The following MIGA1 variants were observed in gnomAD, a reference collection of about 807,000 sequenced individuals.
MIGA1 encodes the protein mitoguardin 1, also known as family with sequence similarity 73, member A.
Under a neutral mutation model 82.0 loss-of-function variants are expected in MIGA1, and 58 were observed. That is an observed-to-expected ratio of 0.71 (90% CI 0.57 to 0.88). The LOEUF (loss-of-function observed/expected upper bound fraction) is 0.88, where lower values mean the gene tolerates loss of function less well. MIGA1 is among the 40% of genes least tolerant of loss of function. The pLI is 0.00. For missense variants in MIGA1, 751 were observed against 749.1 expected (o/e 1.00, Z -0.03); for synonymous variants, 249 against 253.6 (o/e 0.98, Z 0.17).
At chr1:77,870,101 C>A in intron 14 of MIGA1, among the ~76,000 whole-genome samples, 1 of 110,388 alleles carries the variant, frequency 9.1e-6, no homozygotes, top group Admixed American at 8.1e-5. Context: ...CTGACCCCCC[C>A]ACCTCCCTCC....
intron 8 of MIGA1, chr1:77,847,124 G>A (rs1354866892): frequency 6.5e-6 from 6 of 930,098 alleles, no homozygotes; most frequent in African/African-American, 1.6e-5. Context: ...ATTCTGGGCA[G>A]GCAGTATGGG....
chr1:77,811,539 C>T (rs1683327748), intron 5 of MIGA1: 2 of 1,603,132 alleles, frequency 1.2e-6, no homozygotes, highest in Non-Finnish European at 1.7e-6. Context: ...CTTCTTGAGA[C>T]TGTGTGGACT....
intron 2 of MIGA1, among the ~76,000 whole-genome samples, chr1:77,783,621 G>A (rs556302337): frequency 6.6e-6 from 1 of 152,228 alleles, no homozygotes; most frequent in East Asian, 1.9e-4. Context: ...AGTGAATTAT[G>A]TTATTCCAGT....
chr1:77,784,955 A>G (rs899453392), intron 2 of MIGA1, among the ~76,000 whole-genome samples: 2 of 152,156 alleles, frequency 1.3e-5, no homozygotes, highest in African/African-American at 4.8e-5. Flanking sequence ...CCCATGATTC[A>G]GTTACCTACC....
chr1:77,873,789 A>G (rs1042546713), intron 15 of MIGA1, among the ~76,000 whole-genome samples: 2 of 152,108 alleles, frequency 1.3e-5, no homozygotes, highest in Admixed American at 1.3e-4. Context: ...TATACCATTC[A>G]TTTTTTAAAA....
At chr1:77,862,960 A>G (rs1685523114) in intron 12 of MIGA1, among the ~76,000 whole-genome samples, 1 of 152,018 alleles carries the variant, frequency 6.6e-6, no homozygotes, top group Non-Finnish European at 1.5e-5. Flanking sequence ...AAAAAAAAAA[A>G]AGAGTGAGTT....
At chr1:77,846,808 A>T (rs969626508) in intron 8 of MIGA1, among the ~76,000 whole-genome samples, 18 of 151,972 alleles carry the variant, frequency 1.2e-4, no homozygotes, top group Non-Finnish European at 2.5e-4. Flanking sequence ...TTAGCCAGGC[A>T]TGGTGGCGGG....
intron 8 of MIGA1, among the ~76,000 whole-genome samples, chr1:77,846,915 C>G (rs1306506107): frequency 6.6e-6 from 1 of 152,034 alleles, no homozygotes; most frequent in East Asian, 1.9e-4. Context: ...CCACTGCACT[C>G]CAGCCTGGGC....
intron 7 of MIGA1, among the ~76,000 whole-genome samples, chr1:77,827,460 T>C (rs554277437): frequency 6.6e-6 from 1 of 151,910 alleles, no homozygotes; most frequent in South Asian, 2.1e-4. Flanking sequence ...GGTGACAGAG[T>C]GAGACCCTGT....
chr1:77,812,445 A>G (rs939700458), intron 5 of MIGA1, among the ~76,000 whole-genome samples: 8 of 152,060 alleles, frequency 5.3e-5, no homozygotes, highest in Non-Finnish European at 7.4e-5. Context: ...CTCTGTCTCA[A>G]TAAATAAATA....
At chr1:77,843,475 A>G in intron 8 of MIGA1, 68 bp downstream of exon 8, 1 of 1,194,242 alleles carries the variant, frequency 8.4e-7, no homozygotes, top group Non-Finnish European at 1.2e-6. Context: ...TCTTGTCATT[A>G]TACTGTAATT....
chr1:77,825,520 T>A (rs578024394), intron 7 of MIGA1, among the ~76,000 whole-genome samples: 25 of 152,200 alleles, frequency 1.6e-4, no homozygotes, highest in Admixed American at 4.6e-4. Flanking sequence ...TTGCTACTTG[T>A]AGCACTGGGA....
chr1:77,787,024 C>T (rs1355236795), intron 2 of MIGA1, among the ~76,000 whole-genome samples: 1 of 152,200 alleles, frequency 6.6e-6, no homozygotes, highest in Non-Finnish European at 1.5e-5. Context: ...GCTGGGGAGG[C>T]CTCACAATCA....
intron 8 of MIGA1, chr1:77,848,755 A>G: frequency 7.0e-7 from 1 of 1,419,916 alleles, no homozygotes; most frequent in East Asian, 2.3e-5. Context: ...GGCCAGGCAG[A>G]TGGTGCAGGT....
At position 77,870,227 on chromosome 1, in the gene MIGA1, C is replaced by G. The variant is rs1295515288; in HGVS notation, c.1564-2777C>G. 3.4e-3 allele frequency among the ~76,000 whole-genome samples: 442 copies of G among 128,202 alleles called. 8 individuals carry two copies. Among genetic ancestry groups the G allele is most frequent in the Non-Finnish European group, 5.2e-3 (296 of 57,386 alleles). The allele number at this position is 128,202 out of a possible 152,430, so 84.1% of individuals were successfully genotyped here. On this transcript the variant is annotated intron_variant, in intron 14 of 15. Coordinates refer to ENST00000370791, the MANE Select transcript of MIGA1 (RefSeq NM_198549.4). ...CTGGCCGGGCGGGGGGCTGACCCCC[C>G]CCCCCACCTCCCTCCCGGTCGGGGT... is the stretch of plus-strand genomic sequence containing the variant.
At chr1:77,853,875 G>T in intron 8 of MIGA1, 1 of 263,900 alleles carries the variant, frequency 3.8e-6, no homozygotes, top group Admixed American at 3.9e-5. Context: ...CCAGAATATG[G>T]AGGCACCAGG....
In MIGA1 at chr1:77,860,315, A is replaced by G. The variant is rs144788550; in HGVS notation, c.1275+189A>G. The G allele has an allele frequency of 5.7e-6, 3 of 525,870 alleles. No homozygotes were observed. The African/African-American group carries it at 5.8e-5, about 10-fold the overall frequency. The allele number at this position is 525,870 out of a possible 1,614,324, so 32.6% of individuals were successfully genotyped here. A position where few individuals can be genotyped will look rare whatever the true frequency, so the allele number is the denominator to read the frequency against. ...TATTTCAACCAAGTTGTTTCTCATA[A>G]ATTATTTCCAGTTTGCCATAAACTC... On this transcript the variant is annotated intron_variant, in intron 11 of 15. Coordinates refer to ENST00000370791, the MANE Select transcript of MIGA1 (RefSeq NM_198549.4).
At chr1:77,810,672 A>G (rs1307348370) in intron 5 of MIGA1, among the ~76,000 whole-genome samples, 2 of 152,192 alleles carry the variant, frequency 1.3e-5, no homozygotes, top group Non-Finnish European at 2.9e-5. Flanking sequence ...TATCCCAAGG[A>G]GTCCTATACG....
chr1:77,833,379 G>A (rs547631243), intron 7 of MIGA1, among the ~76,000 whole-genome samples: 14 of 152,276 alleles, frequency 9.2e-5, no homozygotes, highest in Non-Finnish European at 1.6e-4. Flanking sequence ...AACACAAAAT[G>A]AAATCTAACT....
Sources: allele counts gnomAD v4.1 joint callset (sites outside exome capture counted in the v4.1 genomes callset), GRCh38; gene constraint gnomAD v4.1.1; transcripts MANE v1.5; gene names NCBI Gene and HGNC (gene_info 2026-07-23, HGNC 2026-07-21).